PLCG2: variants seen among roughly 807,000 people sequenced by gnomAD.
PLCG2 encodes 1-phosphatidylinositol 4,5-bisphosphate phosphodiesterase gamma-2.
PLCG2 carries 69 observed loss-of-function variants against 175.6 expected under a neutral mutation model. The ratio of observed to expected loss-of-function variants is 0.39; its 90% CI spans 0.32 to 0.48. The LOEUF (loss-of-function observed/expected upper bound fraction) is 0.48. PLCG2 is among the 20% of genes least tolerant of loss of function. The pLI is 0.91. For synonymous variants in PLCG2, 827 were observed against 624.0 expected (o/e 1.33, Z -4.85); for missense variants, 1,798 against 1,650.9 (o/e 1.09, Z -1.54).
chr16:81,878,215 A>T (rs1354942216), intron 7 of PLCG2, among the ~76,000 whole-genome samples: 1 of 151,326 alleles, frequency 6.6e-6, no homozygotes, highest in Non-Finnish European at 1.5e-5. Context: ...CCATCTCCTG[A>T]CCTAGTGATC....
intron 2 of PLCG2, among the ~76,000 whole-genome samples, chr16:81,797,579 C>G (rs978070061): frequency 1.3e-5 from 2 of 152,224 alleles, no homozygotes; most frequent in African/African-American, 4.8e-5. Flanking sequence ...TGGCCCATAT[C>G]TGGCCTGTGG....
intron 2 of PLCG2, among the ~76,000 whole-genome samples, chr16:81,773,753 C>T (rs953010525): frequency 6.6e-6 from 1 of 152,142 alleles, no homozygotes; most frequent in Non-Finnish European, 1.5e-5. Flanking sequence ...ACTCACTCCT[C>T]CACAGCAGCC....
intron 16 of PLCG2, among the ~76,000 whole-genome samples, chr16:81,908,134 C>G (rs1469334450): frequency 6.6e-6 from 1 of 152,242 alleles, no homozygotes; most frequent in Non-Finnish European, 1.5e-5. Context: ...TCATGGCTCT[C>G]AGACTTCCCA....
intron 2 of PLCG2, among the ~76,000 whole-genome samples, chr16:81,795,554 A>G (rs1415975316): frequency 6.6e-6 from 1 of 152,240 alleles, no homozygotes; most frequent in Non-Finnish European, 1.5e-5. Flanking sequence ...ACTCTGTGCT[A>G]TCATCTCCAA....
At chr16:81,816,902 GC>G (rs1256710499) in intron 2 of PLCG2, among the ~76,000 whole-genome samples, 1 of 152,036 alleles carries the variant, frequency 6.6e-6, no homozygotes, top group Non-Finnish European at 1.5e-5. Context: ...GGCACCTGGG[GC>G]CACATCCGGT....
chr16:81,764,876 G>C (rs888409015), intron 2 of PLCG2, among the ~76,000 whole-genome samples: 2 of 152,116 alleles, frequency 1.3e-5, no homozygotes, highest in African/African-American at 4.8e-5. Flanking sequence ...GATCACTTGA[G>C]CTCAGGAGTT....
intron 18 of PLCG2, 131 bp from the exon 19 acceptor site, chr16:81,912,466 T>C: frequency 9.1e-7 from 1 of 1,093,104 alleles, no homozygotes; most frequent in Non-Finnish European, 1.3e-6. Context: ...AAGCCCACTG[T>C]GTGATTTCCA....
chr16:81,823,363 C>T (rs1296617183), intron 2 of PLCG2, among the ~76,000 whole-genome samples: 1 of 152,188 alleles, frequency 6.6e-6, no homozygotes, highest in Non-Finnish European at 1.5e-5. Context: ...AGAGGCCAGG[C>T]TTCCTGTCTG....
At chr16:81,928,812 C>G (rs770757450) in intron 24 of PLCG2, 188 bp downstream of exon 24, 2 of 521,014 alleles carry the variant, frequency 3.8e-6, no homozygotes, top group Non-Finnish European at 7.1e-6. Flanking sequence ...CTATTAATCT[C>G]TACTAAAACT....
chr16:81,758,984 C>T (rs1038694574), intron 2 of PLCG2, among the ~76,000 whole-genome samples: 1 of 152,204 alleles, frequency 6.6e-6, no homozygotes, highest in East Asian at 1.9e-4. Flanking sequence ...GGCTATCGTC[C>T]ATCTTTTTAA....
At chr16:81,825,881 A>G (rs981691467) in intron 2 of PLCG2, among the ~76,000 whole-genome samples, 6 of 152,204 alleles carry the variant, frequency 3.9e-5, no homozygotes, top group African/African-American at 1.4e-4. Flanking sequence ...TGACAAGGCT[A>G]AGATTGTCAC....
intron 2 of PLCG2, among the ~76,000 whole-genome samples, chr16:81,804,085 C>G (rs1297775190): frequency 6.6e-6 from 1 of 152,208 alleles, no homozygotes; most frequent in African/African-American, 2.4e-5. Context: ...GAGTGGAATT[C>G]TAGGTTATCT....
At chr16:81,824,233 A>T (rs1351007429) in intron 2 of PLCG2, among the ~76,000 whole-genome samples, 1 of 151,314 alleles carries the variant, frequency 6.6e-6, no homozygotes, top group Non-Finnish European at 1.5e-5. Flanking sequence ...TCCCGGCTTC[A>T]AGCAATTCTC....
chr16:81,861,066 A>C (rs1353582922), intron 5 of PLCG2, among the ~76,000 whole-genome samples: 1 of 152,076 alleles, frequency 6.6e-6, no homozygotes, highest in Non-Finnish European at 1.5e-5. Context: ...CCAAAACCAA[A>C]ACCAAACCCT....
intron 17 of PLCG2, 49 bp from the exon 18 acceptor site, chr16:81,910,459 CTGGCTGCCGCAA>C: frequency 6.7e-7 from 1 of 1,481,532 alleles, no homozygotes; most frequent in Non-Finnish European, 9.4e-7. Context: ...CTCTGAGGCC[CTGGCTGCCGCAA>C]TGGCCTGGCC....
chr16:81,923,682 A>T (rs1910146293), intron 22 of PLCG2, 88 bp downstream of exon 22: 1 of 749,730 alleles, frequency 1.3e-6, no homozygotes, highest in South Asian at 1.6e-5. Flanking sequence ...GCCAAGTCTG[A>T]CCCCCTTTGT....
chr16:81,956,144 A>G lies in PLCG2; in HGVS notation c.3571-551A>G, dbSNP rs138161681. Reference sequence around the variant, plus strand: ...GTTCTGGACACTTCATATAAATGGCATCGTGTGATTTGTGATCTTTTAGAG... The same window carrying G: ...GTTCTGGACACTTCATATAAATGGCGTCGTGTGATTTGTGATCTTTTAGAG... On this transcript the variant is annotated intron_variant, in intron 31 of 32. Coordinates refer to ENST00000564138, the MANE Select transcript of PLCG2 (RefSeq NM_002661.5). Among the ~76,000 whole-genome samples the G allele has an allele frequency of 2.0e-5, 3 of 152,354 alleles. No individual in the cohort carries two copies. The East Asian group carries it at 5.8e-4, about 29-fold the overall frequency.
At chr16:81,745,752 G>A (rs934031262) in intron 1 of PLCG2, among the ~76,000 whole-genome samples, 5 of 152,220 alleles carry the variant, frequency 3.3e-5, no homozygotes, top group Non-Finnish European at 5.9e-5. Context: ...TGACATTAGG[G>A]TCAGGGGGGA....
chr16:81,931,576 G>C lies in PLCG2; in HGVS notation c.2661G>C (p.Glu887Asp), dbSNP rs201601618. 3 of 1,614,134 alleles carry C rather than the reference G, an allele frequency of 1.9e-6. No individual in the cohort carries two copies. In the African/African-American group the frequency reaches 4.0e-5, roughly 22 times the overall value. ...AGCAGCAGGGCGATCCTCCGGTGGA[G>C]TTTGCCACAGACAGGGTGGAGGAGC... ...EPKQQGDPPVEFATDRVEELF... is the reference protein window; with the variant it reads ...EPKQQGDPPVDFATDRVEELF... Residue 887 changes from glutamate (E) to aspartate (D), a missense_variant, in exon 25 of 33, where the codon GAG (glutamate) becomes GAC (aspartate). Transcript: ENST00000564138.
Sources: gnomAD v4.1 joint callset for allele counts (sites outside exome capture counted in the v4.1 genomes callset) on GRCh38, gnomAD v4.1.1 for gene constraint, MANE v1.5 for transcripts, NCBI Gene and HGNC (gene_info 2026-07-23, HGNC 2026-07-21) for gene names.